Variants in HDAC9 observed in about 807,000 individuals in gnomAD.
HDAC9 encodes MEF-2 interacting transcription repressor (MITR) protein.
A neutral mutation model predicts 139.4 loss-of-function variants in HDAC9; 41 were observed. The observed-to-expected ratio is 0.29, with a 90% CI of 0.23 to 0.38. HDAC9 has a LOEUF of 0.38. Ranked by LOEUF, HDAC9 falls within the 10% of genes least tolerant of loss-of-function variation. HDAC9 has a pLI of 1.00. For missense variants in HDAC9, 1,147 were observed against 1,297.0 expected, an observed-to-expected ratio of 0.88 and a Z score of 1.78; for synonymous variants, 517 against 476.2, an observed-to-expected ratio of 1.09 and a Z score of -1.12.
chr7:18,192,148 G>T (rs1790394337), intron 2 of HDAC9, among the ~76,000 whole-genome samples: 1 of 152,142 alleles, frequency 6.6e-6, no homozygotes, highest in African/African-American at 2.4e-5. Context: ...AGTAGAAGGT[G>T]GTGGTTTAGG....
At chr7:18,257,641 A>G (rs1795366742) in intron 2 of HDAC9, among the ~76,000 whole-genome samples, 1 of 152,198 alleles carries the variant, frequency 6.6e-6, no homozygotes, top group African/African-American at 2.4e-5. Flanking sequence ...CTACTCAGAA[A>G]GAGCACAACC....
chr7:18,560,730 A>C (rs868229063), intron 2 of HDAC9, among the ~76,000 whole-genome samples: 43 of 152,118 alleles, frequency 2.8e-4, no homozygotes, highest in African/African-American at 9.9e-4. Flanking sequence ...TTCTGTTTTG[A>C]TAGAGGGAAC....
chr7:18,111,749 C>T (rs1194627544), intron 1 of HDAC9, among the ~76,000 whole-genome samples: 4 of 151,978 alleles, frequency 2.6e-5, no homozygotes, highest in South Asian at 2.1e-4. Flanking sequence ...TCCATAGATA[C>T]GGAGGGCCAA....
intron 2 of HDAC9, among the ~76,000 whole-genome samples, chr7:18,538,691 T>A (rs1374961558): frequency 1.3e-5 from 2 of 152,226 alleles, no homozygotes; most frequent in African/African-American, 4.8e-5. Context: ...ATAGTCATAA[T>A]AATACTTTTA....
At chr7:18,667,272 G>C (rs1374036930) in intron 12 of HDAC9, 1 of 984,576 alleles carries the variant, frequency 1.0e-6, no homozygotes, top group Non-Finnish European at 1.2e-6. Context: ...GCAGCATTAT[G>C]GTCCAATCAG....
At chr7:18,909,962 G>C (rs1034886720) in intron 22 of HDAC9, among the ~76,000 whole-genome samples, 5 of 151,740 alleles carry the variant, frequency 3.3e-5, no homozygotes, top group African/African-American at 1.2e-4. Flanking sequence ...GTCTTTTGTG[G>C]TTTCATACAA....
chr7:18,614,678 C>T (rs1190304961), intron 6 of HDAC9, among the ~76,000 whole-genome samples: 1 of 152,006 alleles, frequency 6.6e-6, no homozygotes, highest in African/African-American at 2.4e-5. Context: ...TCTCTTTTTT[C>T]GACCCATCTT....
At chr7:18,135,148 T>C (rs910830640) in intron 1 of HDAC9, among the ~76,000 whole-genome samples, 65 of 152,096 alleles carry the variant, frequency 4.3e-4, no homozygotes, top group African/African-American at 1.5e-3. Context: ...AAGTGGATAC[T>C]GTTCACCCCA....
chr7:18,376,486 T>C (rs1303083977), intron 1 of HDAC9, among the ~76,000 whole-genome samples: 1 of 152,250 alleles, frequency 6.6e-6, no homozygotes, highest in Non-Finnish European at 1.5e-5. Context: ...TCTGGCACTC[T>C]AAGTTGATGC....
At chr7:18,171,038 G>A (rs186753307) in intron 2 of HDAC9, among the ~76,000 whole-genome samples, 8 of 152,280 alleles carry the variant, frequency 5.3e-5, no homozygotes, top group East Asian at 1.9e-4. Flanking sequence ...ACCTTGGGCA[G>A]TATAGCTATT....
At chr7:18,909,274 G>T (rs1282066750) in intron 22 of HDAC9, among the ~76,000 whole-genome samples, 1 of 150,634 alleles carries the variant, frequency 6.6e-6, no homozygotes, top group East Asian at 2.0e-4. Flanking sequence ...AGTTGTTTGG[G>T]TTCCTTGTAT....
At chr7:18,881,407 A>G (rs1189740934) in intron 22 of HDAC9, among the ~76,000 whole-genome samples, 3 of 152,112 alleles carry the variant, frequency 2.0e-5, no homozygotes, top group African/African-American at 7.2e-5. Flanking sequence ...CAGATACTCA[A>G]TAAAAGGTCA....
At chr7:18,859,856 A>ATATATATATATATATG (rs1554381815) in intron 21 of HDAC9, among the ~76,000 whole-genome samples, 1 of 117,252 alleles carries the variant, frequency 8.5e-6, no homozygotes, top group African/African-American at 3.3e-5. Flanking sequence ...ATATATATAT[A>ATATATATATATATATG]TATGTGAGAG....
intron 22 of HDAC9, among the ~76,000 whole-genome samples, chr7:18,905,606 C>A (rs1310012850): frequency 2.1e-5 from 2 of 97,004 alleles, no homozygotes; most frequent in East Asian, 4.5e-4. Flanking sequence ...AAAATTAAAC[C>A]CTTTTAAAAT....
At chr7:18,925,390 A>G (rs1299308541) in intron 22 of HDAC9, among the ~76,000 whole-genome samples, 1 of 152,174 alleles carries the variant, frequency 6.6e-6, no homozygotes, top group African/African-American at 2.4e-5. Context: ...GTGCCTGGTT[A>G]TATTAGGTCT....
chr7:18,555,234 T>C (rs1818434287), intron 2 of HDAC9, among the ~76,000 whole-genome samples: 1 of 152,206 alleles, frequency 6.6e-6, no homozygotes, highest in African/African-American at 2.4e-5. Context: ...TACAAGTTCA[T>C]GGTATTTGAT....
At chr7:18,490,486 ACGTGATTTCTCAGACCCTTTACC>A (rs1471411649) in intron 1 of HDAC9, among the ~76,000 whole-genome samples, 2 of 152,006 alleles carry the variant, frequency 1.3e-5, no homozygotes, top group Non-Finnish European at 2.9e-5. Flanking sequence ...TTCAATGCCA[ACGTGATTTCTCAGACCCTTTACC>A]TGCTGTAAAA....
chr7:18,425,097 A>G (rs370120228), intron 1 of HDAC9, among the ~76,000 whole-genome samples: 11 of 152,176 alleles, frequency 7.2e-5, no homozygotes, highest in South Asian at 2.1e-4. Flanking sequence ...TAGTACACCA[A>G]TTTTTTTCTT....
chr7:18,323,295 C>T lies in HDAC9; in HGVS notation c.-42+32780C>T, dbSNP rs888238001. Among the ~76,000 whole-genome samples, 5 of 152,186 alleles carry T rather than the reference C, an allele frequency of 3.3e-5. No individual in the cohort carries two copies. In the South Asian group the frequency reaches 1.0e-3, roughly 32 times the overall value. On this transcript the variant is annotated intron_variant, in intron 1 of 3. Coordinates refer to the HDAC9 transcript ENST00000413509. Reference sequence around the variant, plus strand: ...TCTCACCACCTCCATTGCTACCTCCCTGGTCCAAAGCTCTATTCTCTCTGT... The same window carrying T: ...TCTCACCACCTCCATTGCTACCTCCTTGGTCCAAAGCTCTATTCTCTCTGT...
Sources: allele counts gnomAD v4.1 joint callset (sites outside exome capture counted in the v4.1 genomes callset), GRCh38; gene constraint gnomAD v4.1.1; transcripts MANE v1.5; gene names NCBI Gene and HGNC (gene_info 2026-07-23, HGNC 2026-07-21).